USH1C: variants seen among roughly 807,000 people sequenced by gnomAD.
The protein encoded by USH1C is USH1 protein network component harmonin.
USH1C carries 90 observed loss-of-function variants against 119.3 expected under a neutral mutation model. The ratio of observed to expected loss-of-function variants is 0.75; its 90% confidence interval spans 0.64 to 0.90. The LOEUF is 0.90. USH1C is among the 40% of genes least tolerant of loss of function. USH1C has a pLI of 0.00. For missense variants in USH1C, 1,165 were observed against 1,167.7 expected (o/e 1.00, Z 0.03); for synonymous variants, 465 against 443.3 (o/e 1.05, Z -0.62).
chr11:17,523,031 G>A (rs944917963), intron 11 of USH1C, 105 bp from the exon 12 acceptor site: 18 of 1,586,770 alleles, frequency 1.1e-5, no homozygotes, highest in African/African-American at 5.4e-5. Flanking sequence ...GCACCATCAG[G>A]CACTGCGGCT....
At chr11:17,495,853 C>T (rs1381995170) in intron 25 of USH1C, among the ~76,000 whole-genome samples, 176 bp from the exon 26 acceptor site, 1 of 147,808 alleles carries the variant, frequency 6.8e-6, no homozygotes, top group Non-Finnish European at 1.5e-5. Context: ...AGCTCAGATT[C>T]TGCTGGGCAC....
intron 19 of USH1C, among the ~76,000 whole-genome samples, chr11:17,505,096 C>T (rs1006244967): frequency 2.0e-5 from 3 of 152,244 alleles, no homozygotes; most frequent in Non-Finnish European, 4.4e-5. Flanking sequence ...GGAGGCCAGC[C>T]AGTGGTCGGC....
At chr11:17,537,195 C>T (rs1043601854) in intron 1 of USH1C, among the ~76,000 whole-genome samples, 4 of 152,220 alleles carry the variant, frequency 2.6e-5, no homozygotes, top group African/African-American at 9.6e-5. Flanking sequence ...AATCAAATTA[C>T]TTTTCCAATA....
At chr11:17,533,209 C>G (rs1342671764) in intron 2 of USH1C, 46 bp downstream of exon 2, 1 of 1,518,166 alleles carries the variant, frequency 6.6e-7, no homozygotes, top group African/African-American at 1.4e-5. Flanking sequence ...TCCCTGAAGA[C>G]AAAGGAACCC....
intron 1 of USH1C, among the ~76,000 whole-genome samples, chr11:17,539,833 CTTTTT>C (rs34881002): frequency 2.4e-5 from 3 of 126,186 alleles, no homozygotes; most frequent in Non-Finnish European, 4.9e-5. Context: ...CTTTCTTTTT[CTTTTT>C]TTTTTTTTTT....
chr11:17,524,779 A>G (rs1410696758), intron 8 of USH1C, among the ~76,000 whole-genome samples: 2 of 151,992 alleles, frequency 1.3e-5, no homozygotes, highest in Non-Finnish European at 2.9e-5. Context: ...TCTTTCTAGC[A>G]CTTTCCTGTC....
chr11:17,533,169 C>G, intron 2 of USH1C, 86 bp downstream of exon 2: 4 of 1,000,368 alleles, frequency 4.0e-6, no homozygotes, highest in Non-Finnish European at 6.5e-6. Flanking sequence ...CCTCTGAGCT[C>G]CTCTGTCTCA....
At chr11:17,523,176 G>A (rs1850495404) in intron 11 of USH1C, 35 bp downstream of exon 11, 1 of 1,613,878 alleles carries the variant, frequency 6.2e-7, no homozygotes, top group Non-Finnish European at 8.5e-7. Flanking sequence ...GGGGATGAAG[G>A]TCAAGGGGCT....
At chr11:17,544,249 C>A (rs1246419871) in intron 1 of USH1C, 23 bp downstream of exon 1, 1 of 1,613,804 alleles carries the variant, frequency 6.2e-7, no homozygotes, top group Non-Finnish European at 8.5e-7. Context: ...TCCCAGAAGC[C>A]TGGGGCGCCC....
Position 17,509,550 on chromosome 11 carries a change from G to T in USH1C, c.1819C>A (p.Pro607Thr), listed in dbSNP as rs768363505. ...QRTPPPIPIP[P>T]PPSVPTQDLT... is the part of the protein sequence containing the mutation. The stretch of plus-strand genomic sequence containing the variant: ...TCTTGGGTGGGAACGGATGGCGGGG[G>T]AGGGATGGGAATGGGGGGTGGAGTG... The change falls in exon 18 of 27, where the codon CCC becomes ACC. Residue 607 changes from proline to threonine, a missense_variant. Pro to Thr is a conservative substitution (Grantham distance 38, BLOSUM62 -1). Coordinates refer to ENST00000005226, the MANE Select transcript of USH1C (RefSeq NM_153676.4). The T allele has an allele frequency of 3.2e-6, 5 of 1,575,370 alleles. No homozygotes were observed. In the East Asian group the frequency reaches 1.1e-4, roughly 36 times the overall value.
chr11:17,527,185 A>G, intron 5 of USH1C, 38 bp downstream of exon 5: 1 of 838,066 alleles, frequency 1.2e-6, no homozygotes, highest in Non-Finnish European at 1.7e-6. Context: ...CCTCCCTCCC[A>G]CCGTCATGGA....
At chr11:17,518,634 G>A (rs545077810) in intron 14 of USH1C, among the ~76,000 whole-genome samples, 15 of 152,354 alleles carry the variant, frequency 9.8e-5, no homozygotes, top group African/African-American at 3.6e-4. Flanking sequence ...CCCTGGGGCA[G>A]GTTGGGGGGC....
In USH1C at chr11:17,544,410, C is replaced by T. The variant is rs1851615859; in HGVS notation, c.-103G>A. On this transcript the variant is annotated 5_prime_UTR_variant, in exon 1 of 27. Coordinates refer to ENST00000005226, the MANE Select transcript of USH1C (RefSeq NM_153676.4). ...CGACCGCGACCGGGCCAGCCGCCCT[C>T]GGAGCTGGGGGCGGGGCCTGAGCGC... is the stretch of plus-strand genomic sequence containing the variant. 2 of 1,549,336 alleles carry T rather than the reference C, an allele frequency of 1.3e-6. No homozygotes were observed. The highest frequency in any genetic ancestry group is 1.1e-5 in the South Asian group (1 of 87,896).
At position 17,496,763 on chromosome 11, in the gene USH1C, A is replaced by G. The variant is rs1849262183; in HGVS notation, c.2541T>C (p.Asp847=). ...VAVCPPKEYD[D]ELASLPSSVA... ...AGGTGCTTGCACACACTTACAGCTC[A>G]TCGTCATACTCCTTTGGGGGGCAGA... The change falls in exon 25 of 27, where the codon GAT becomes GAC. Residue 847 remains aspartate, a synonymous_variant. Transcript: ENST00000005226. 2 of 1,613,844 alleles carry G rather than the reference A, an allele frequency of 1.2e-6. No individual in the cohort carries two copies.
rs750585000 is a variant in USH1C at position 17,509,474 on chromosome 11, T to C, written c.1895A>G (p.Asn632Ser). The part of the protein sequence containing the change: ...LPSALEEALS[N>S]HPFRTGDTGN... The stretch of plus-strand genomic sequence containing the variant: ...TGTGTCCCCAGTGCGGAAGGGATGG[T>C]TGCTCAGTGCTTCTTCCAGCGCCGA... The change falls in exon 18 of 27, where the codon AAC becomes AGC. Residue 632 changes from asparagine to serine, a missense_variant. Asn to Ser is a conservative substitution (Grantham distance 46, BLOSUM62 1). Coordinates refer to ENST00000005226, the MANE Select transcript of USH1C (RefSeq NM_153676.4). 5 of 1,612,822 alleles carry C rather than the reference T, an allele frequency of 3.1e-6. No individual in the cohort carries two copies. Among genetic ancestry groups the C allele is most frequent in the Non-Finnish European group, 4.2e-6 (5 of 1,179,570 alleles).
chr11:17,510,325 C>A, intron 17 of USH1C, 80 bp downstream of exon 17: 2 of 1,204,912 alleles, frequency 1.7e-6, no homozygotes, highest in Non-Finnish European at 2.4e-6. Context: ...TGCTAGTTGT[C>A]ATCTCACCTC....
intron 15 of USH1C, 75 bp downstream of exon 15, chr11:17,516,166 A>G: frequency 1.3e-6 from 2 of 1,517,648 alleles, no homozygotes; most frequent in South Asian, 2.3e-5. Context: ...TTGATAGGAC[A>G]AGGAATGTTT....
intron 18 of USH1C, among the ~76,000 whole-genome samples, chr11:17,508,546 G>A (rs931397386): frequency 6.6e-6 from 1 of 152,238 alleles, no homozygotes; most frequent in Non-Finnish European, 1.5e-5. Flanking sequence ...GGCTACGGGA[G>A]TGGAATAATA....
intron 23 of USH1C, among the ~76,000 whole-genome samples, chr11:17,499,005 G>GATCTAAT (rs764153643): frequency 3.3e-4 from 50 of 152,226 alleles, no homozygotes; most frequent in Non-Finnish European, 5.9e-4. Context: ...GCTCCTGAAA[G>GATCTAAT]AGTTGCCTGG....
Sources: allele counts gnomAD v4.1 joint callset (sites outside exome capture counted in the v4.1 genomes callset), GRCh38; gene constraint gnomAD v4.1.1; transcripts MANE v1.5; gene names NCBI Gene and HGNC (gene_info 2026-07-23, HGNC 2026-07-21).